SYTL2: variants seen among roughly 807,000 people sequenced by gnomAD.
The protein encoded by SYTL2 is synaptotagmin-like protein 2.
In SYTL2, 165 loss-of-function variants were observed where a neutral mutation model predicts 198.7. That is an observed-to-expected ratio of 0.83 (90% CI 0.73 to 0.94). The LOEUF (loss-of-function observed/expected upper bound fraction) is 0.94. SYTL2 is among the 40% of genes least tolerant of loss of function. The pLI is 0.00. For synonymous variants in SYTL2, 966 were observed against 917.7 expected (o/e 1.05, Z -0.95); for missense variants, 2,835 against 2,582.8 (o/e 1.10, Z -2.12).
chr11:85,734,773 C>A (rs759554484), intron 6 of SYTL2, 31 bp from the exon 7 acceptor site: 1 of 1,462,956 alleles, frequency 6.8e-7, no homozygotes, highest in South Asian at 1.2e-5. Context: ...GGTGATATAT[C>A]ATATAGAGAG....
intron 12 of SYTL2, among the ~76,000 whole-genome samples, chr11:85,713,186 T>C (rs1371570536): frequency 6.6e-6 from 1 of 152,300 alleles, no homozygotes; most frequent in East Asian, 1.9e-4. Flanking sequence ...GGCCCAAGAA[T>C]GGACAAAAGG....
the SYTL2 span, among the ~76,000 whole-genome samples, chr11:85,836,109 T>G: frequency 1.3e-5 from 2 of 152,214 alleles, no homozygotes; most frequent in African/African-American, 2.4e-5. Flanking sequence ...TGCTAATAGC[T>G]CCAAACAAAC....
chr11:85,696,783 T>C (rs2083470407), intron 18 of SYTL2, among the ~76,000 whole-genome samples: 1 of 152,248 alleles, frequency 6.6e-6, no homozygotes, highest in Non-Finnish European at 1.5e-5. Context: ...CTTAATATGC[T>C]AGTAATCATT....
chr11:85,837,098 C>T, the SYTL2 span, among the ~76,000 whole-genome samples: 1 of 152,204 alleles, frequency 6.6e-6, no homozygotes, highest in Non-Finnish European at 1.5e-5. Flanking sequence ...CTTTTTCTAA[C>T]ATTCCATTTA....
chr11:85,843,482 G>C, the SYTL2 span, among the ~76,000 whole-genome samples: 1 of 152,174 alleles, frequency 6.6e-6, no homozygotes, highest in Admixed American at 6.6e-5. Flanking sequence ...CCTTGAGGAG[G>C]AGGGGCAAAT....
At position 85,726,452 on chromosome 11, in the gene SYTL2, T is replaced by C. The variant is rs1458538361; in HGVS notation, c.2906A>G (p.Asp969Gly). The change falls in exon 8 of 20, where the codon GAT (aspartate) becomes GGT (glycine). Residue 969 changes from aspartate to glycine, a missense_variant. Physicochemically the swap from Asp to Gly is moderately conservative, Grantham distance 94 (BLOSUM62 -1). Coordinates refer to ENST00000359152, the MANE Select transcript of SYTL2 (RefSeq NM_206927.4). ...ATAGACCTGTTCTGCATTGGGTTCA[T>C]CCATTCTTTCTTTTAGGGACATAAC... Reference protein sequence around the residue: ...FKVMSLKERMDEPNAEQVYNP... With the variant: ...FKVMSLKERMGEPNAEQVYNP... 1 of 1,613,132 alleles carries C rather than the reference T, an allele frequency of 6.2e-7. No homozygotes were observed. The highest frequency in any genetic ancestry group is 8.5e-7 in the Non-Finnish European group (1 of 1,179,932).
chr11:85,728,560 C>G (rs544201389), intron 7 of SYTL2, among the ~76,000 whole-genome samples: 3 of 152,172 alleles, frequency 2.0e-5, no homozygotes, highest in African/African-American at 7.2e-5. Context: ...GCTGGGATTA[C>G]AGTCATGAGC....
rs777360772 is a variant in SYTL2, at chr11:85,725,277, G to C, written c.4081C>G (p.Leu1361Val). ...EISETVEKVI[L>V]PPRPVLNDVS... Reference sequence around the variant, plus strand: ...TCATTCAATACAGGTCTGGGTGGAAGAATGACTTTCTCTACAGTCTCCGAA... The same window carrying C: ...TCATTCAATACAGGTCTGGGTGGAACAATGACTTTCTCTACAGTCTCCGAA... Residue 1361 changes from leucine (L) to valine (V), a missense_variant, in exon 8 of 20, where the codon CTT (leucine) becomes GTT (valine). Around this residue, in one of 3 missense-constraint regions of SYTL2, gnomAD observed 2,645 missense variants for 2,381.7 expected, o/e 1.11. Transcript: ENST00000359152. 6.2e-6 allele frequency: 10 copies of C among 1,614,158 alleles called. No homozygotes were observed. The highest frequency in any genetic ancestry group is 7.6e-6 in the Non-Finnish European group (9 of 1,180,026).
chr11:85,731,857 A>C (rs974569476), intron 7 of SYTL2, among the ~76,000 whole-genome samples: 1 of 152,220 alleles, frequency 6.6e-6, no homozygotes, highest in Non-Finnish European at 1.5e-5. Flanking sequence ...TAATATACAG[A>C]ATCTACAAGG....
At chr11:85,823,639 G>A in the SYTL2 span, among the ~76,000 whole-genome samples, 68 of 152,012 alleles carry the variant, frequency 4.5e-4, no homozygotes, top group Non-Finnish European at 8.2e-4. Context: ...CTAAGTATCC[G>A]TTACTGGGTT....
chr11:85,799,459 G>T (rs967322553), intron 1 of SYTL2, among the ~76,000 whole-genome samples: 2 of 152,164 alleles, frequency 1.3e-5, no homozygotes, highest in Non-Finnish European at 2.9e-5. Context: ...AGAACAGCTA[G>T]GATTTCAGAG....
intron 7 of SYTL2, among the ~76,000 whole-genome samples, chr11:85,732,186 A>G (rs557425195): frequency 2.0e-5 from 3 of 152,314 alleles, no homozygotes; most frequent in South Asian, 2.1e-4. Context: ...CAGTGTGGTG[A>G]TTCCTCAAGG....
chr11:85,843,911 C>A, the SYTL2 span, among the ~76,000 whole-genome samples: 12 of 152,200 alleles, frequency 7.9e-5, no homozygotes, highest in Non-Finnish European at 1.6e-4. Flanking sequence ...GAACCCTGAA[C>A]TGACCCCAAG....
intron 1 of SYTL2, among the ~76,000 whole-genome samples, chr11:85,771,963 C>T (rs2092363639): frequency 6.6e-6 from 1 of 152,112 alleles, no homozygotes; most frequent in Admixed American, 6.5e-5. Context: ...AGTGCAGTGG[C>T]ACAATCTCAG....
chr11:85,794,159 C>G (rs2092770448), intron 1 of SYTL2, among the ~76,000 whole-genome samples: 1 of 152,018 alleles, frequency 6.6e-6, no homozygotes, highest in Admixed American at 6.6e-5. Flanking sequence ...CATAAGCCAC[C>G]TTGCCTGGCC....
At chr11:85,710,402 A>G (rs2086043483) in intron 13 of SYTL2, among the ~76,000 whole-genome samples, 1 of 152,230 alleles carries the variant, frequency 6.6e-6, no homozygotes. Context: ...AAGGTTTCAG[A>G]AACACAAGGC....
At chr11:85,749,463 C>T (rs546547314) in intron 2 of SYTL2, among the ~76,000 whole-genome samples, 6 of 152,148 alleles carry the variant, frequency 3.9e-5, no homozygotes, top group South Asian at 4.1e-4. Flanking sequence ...GTGGTAGCAG[C>T]GCTGCATGTA....
chr11:85,777,812 CTTTTTTTTTTTTTT>C (rs57873368), intron 1 of SYTL2, among the ~76,000 whole-genome samples: 1 of 63,290 alleles, frequency 1.6e-5, no homozygotes, highest in Non-Finnish European at 2.9e-5. Flanking sequence ...GGTCTTACTT[CTTTTTTTTTTTTTT>C]TTTTTTTTTT....
the SYTL2 span, among the ~76,000 whole-genome samples, chr11:85,847,463 TTTTCA>T: frequency 6.6e-6 from 1 of 152,198 alleles, no homozygotes; most frequent in African/African-American, 2.4e-5. Flanking sequence ...TGAACATTCA[TTTTCA>T]TTTGTCTTGA....
Sources: gnomAD v4.1 joint callset for allele counts (sites outside exome capture counted in the v4.1 genomes callset) on GRCh38, gnomAD v4.1.1 for gene constraint, gnomAD v4.1.1 regional missense constraint, MANE v1.5 for transcripts, NCBI Gene and HGNC (gene_info 2026-07-23, HGNC 2026-07-21) for gene names.